The following SV2B variants were observed in gnomAD, a reference collection of about 807,000 sequenced individuals.
SV2B encodes the protein solute carrier family 22 member B2.
In SV2B, 41 loss-of-function variants were observed where a neutral mutation model predicts 73.9. The ratio of observed to expected loss-of-function variants is 0.56; its 90% CI spans 0.43 to 0.72. The LOEUF (loss-of-function observed/expected upper bound fraction) is 0.72, where lower values mean the gene tolerates loss of function less well. Ranked by LOEUF, SV2B falls within the 30% of genes least tolerant of loss-of-function variation. The probability of loss-of-function intolerance (pLI) is 0.00; values close to 1 mark genes in which losing one functional copy is unlikely to be tolerated. For synonymous variants in SV2B, 314 were observed against 314.2 expected, an observed-to-expected ratio of 1.00 and a Z score of 0.01; for missense variants, 764 against 857.8, an observed-to-expected ratio of 0.89 and a Z score of 1.37.
At chr15:91,195,441 T>G (rs1474406781) in intron 1 of SV2B, among the ~76,000 whole-genome samples, 4 of 152,232 alleles carry the variant, frequency 2.6e-5, no homozygotes, top group Non-Finnish European at 5.9e-5. Context: ...ATTACAGTTG[T>G]GAGCCACTGT....
Position 91,197,550 on chromosome 15 carries a change from A to AAAACC in SV2B, c.-391-28308_-391-28304dup, listed in dbSNP as rs200801575. Among the ~76,000 whole-genome samples, 1 of 150,956 alleles carries AAAACC rather than the reference A, an allele frequency of 6.6e-6. No homozygotes were observed. The highest frequency in any genetic ancestry group is 1.5e-5 in the Non-Finnish European group (1 of 67,966). Reference sequence around the variant, plus strand: ...TCATTGTTTTTAATAGAAGAAAAAAAAAACCAAACCAAACCAAACAAAACA... The same window carrying AAAACC: ...TCATTGTTTTTAATAGAAGAAAAAAAAAACCAAACCAAACCAAACCAAACAAAACA... On this transcript the variant is annotated intron_variant, in intron 1 of 12. Transcript: ENST00000394232. The surrounding 1 kb of genome is among the most constrained non-coding windows in gnomAD (Gnocchi z 4.9).
chr15:91,157,762 T>C (rs1358156325), intron 1 of SV2B, among the ~76,000 whole-genome samples: 1 of 152,188 alleles, frequency 6.6e-6, no homozygotes, highest in Non-Finnish European at 1.5e-5. Flanking sequence ...CCGTGCTTTT[T>C]TCTCCACTCT....
rs1487988315 is a variant in SV2B at position 91,130,351 on chromosome 15, G to T, written c.-392+29988G>T. Among the ~76,000 whole-genome samples, 1 of 152,208 alleles carries T rather than the reference G, an allele frequency of 6.6e-6. No homozygotes were observed. Among genetic ancestry groups the T allele is most frequent in the Non-Finnish European group, 1.5e-5 (1 of 68,034 alleles). ...AATTGCAACTCAGGGACAAGGTCAGGGTTGGAGTTACGTGCTTGGCTAGGG... is the reference window on the plus strand; with the variant it reads ...AATTGCAACTCAGGGACAAGGTCAGTGTTGGAGTTACGTGCTTGGCTAGGG... On this transcript the variant is annotated intron_variant, in intron 1 of 12. Transcript: ENST00000394232. The surrounding 1 kb of genome is among the most constrained non-coding windows in gnomAD (Gnocchi z 5.6).
chr15:91,235,230 A>T (rs889485726), intron 2 of SV2B, among the ~76,000 whole-genome samples: 13 of 152,200 alleles, frequency 8.5e-5, no homozygotes, highest in Admixed American at 3.3e-4. Context: ...TGAGGTTTTT[A>T]TGTAGGCCTT....
rs59849012 is a variant in SV2B at position 91,191,063 on chromosome 15, C to CTTTTTTTTTTTTTTTTTTTTTTTTTT, written c.-391-34789_-391-34788insTTTTTTTTTTTTTTTTTTTTTTTTTT. ...TACCCTGGTGGTTTTTTTGGTGTTT[C>CTTTTTTTTTTTTTTTTTTTTTTTTTT]TTTTTTTTTTTTTTTTTTTTTGACA... is the stretch of plus-strand genomic sequence containing the variant. On this transcript the variant is annotated intron_variant, in intron 1 of 12. Coordinates refer to ENST00000394232, the MANE Select transcript of SV2B (RefSeq NM_001323032.3). Among the ~76,000 whole-genome samples the CTTTTTTTTTTTTTTTTTTTTTTTTTT allele has an allele frequency of 7.3e-4, 47 of 64,244 alleles. 9 individuals are homozygous for CTTTTTTTTTTTTTTTTTTTTTTTTTT. Among genetic ancestry groups the CTTTTTTTTTTTTTTTTTTTTTTTTTT allele is most frequent in the East Asian group, 3.1e-3 (4 of 1,290 alleles). The allele number at this position is 64,244 out of a possible 152,430, so 42.1% of individuals were successfully genotyped here.
At chr15:91,161,787 A>G (rs2043727992) in intron 1 of SV2B, among the ~76,000 whole-genome samples, 1 of 152,208 alleles carries the variant, frequency 6.6e-6, no homozygotes, top group South Asian at 2.1e-4. Flanking sequence ...AAGTGTGTTA[A>G]TCTGGTATTC....
chr15:91,171,943 A>G (rs1241352198), intron 1 of SV2B, among the ~76,000 whole-genome samples: 1 of 152,174 alleles, frequency 6.6e-6, no homozygotes, highest in Admixed American at 6.5e-5. Context: ...CTGAAACAGC[A>G]ATCCATATCA....
Position 91,232,723 on chromosome 15 carries a change from A to C in SV2B, c.451+6009A>C, listed in dbSNP as rs2046626104. Among the ~76,000 whole-genome samples, 1 of 152,194 alleles carries C rather than the reference A, an allele frequency of 6.6e-6. No individual in the cohort carries two copies. The highest frequency in any genetic ancestry group is 2.1e-4 in the South Asian group (1 of 4,832). On this transcript the variant is annotated intron_variant, in intron 2 of 12. Transcript: ENST00000394232. The surrounding 1 kb of genome is among the most constrained non-coding windows in gnomAD (Gnocchi z 4.7). ...TTTGAATTTTTCACGTTTAAAATATAATTTCAACTTCTATTTTAGATTCAG... is the reference window on the plus strand; with the variant it reads ...TTTGAATTTTTCACGTTTAAAATATCATTTCAACTTCTATTTTAGATTCAG...
intron 1 of SV2B, among the ~76,000 whole-genome samples, chr15:91,164,344 A>C (rs755123904): frequency 6.6e-6 from 1 of 152,220 alleles, no homozygotes; most frequent in African/African-American, 2.4e-5. Flanking sequence ...ACCTGACTTC[A>C]AACTATACTA....
intron 1 of SV2B, among the ~76,000 whole-genome samples, chr15:91,108,683 C>T (rs975264414): frequency 2.0e-5 from 3 of 152,184 alleles, no homozygotes; most frequent in Admixed American, 6.5e-5. Flanking sequence ...CCTCTCTCCA[C>T]CACCCTCATG....
chr15:91,157,864 A>G (rs1567299708), intron 1 of SV2B, among the ~76,000 whole-genome samples: 1 of 152,144 alleles, frequency 6.6e-6, no homozygotes, highest in Admixed American at 6.5e-5. Context: ...GTATACTTCA[A>G]AATACTCTGT....
chr15:91,144,239 G>A (rs2043081617), intron 1 of SV2B, among the ~76,000 whole-genome samples: 1 of 152,174 alleles, frequency 6.6e-6, no homozygotes, highest in Non-Finnish European at 1.5e-5. Flanking sequence ...AAACCAGAAG[G>A]TTAAACACAG....
intron 1 of SV2B, among the ~76,000 whole-genome samples, chr15:91,201,659 A>G (rs545628311): frequency 1.3e-5 from 2 of 152,162 alleles, no homozygotes; most frequent in Non-Finnish European, 2.9e-5. Flanking sequence ...TGGCAAATCC[A>G]TCCTTCCAAC....
At chr15:91,191,063 C>CTTTTTTTTTTTTTTT (rs59849012) in intron 1 of SV2B, among the ~76,000 whole-genome samples, 1,645 of 64,146 alleles carry the variant, frequency 0.026, 256 homozygotes, top group East Asian at 0.048. Flanking sequence ...TTTGGTGTTT[C>CTTTTTTTTTTTTTTT]TTTTTTTTTT....
At chr15:91,208,996 T>G (rs2045745528) in intron 1 of SV2B, among the ~76,000 whole-genome samples, 3 of 152,154 alleles carry the variant, frequency 2.0e-5, no homozygotes, top group African/African-American at 2.4e-5. Context: ...TACCTGTCAG[T>G]GCCAGGTCCT....
chr15:91,127,111 A>G (rs945861668), intron 1 of SV2B, among the ~76,000 whole-genome samples: 2 of 152,230 alleles, frequency 1.3e-5, no homozygotes, highest in Non-Finnish European at 2.9e-5. Context: ...CCCTGTATAC[A>G]ATGGGATGAT....
rs59078725 is a variant in SV2B at position 91,262,064 on chromosome 15, A to G, written c.1008+1655A>G. Among the ~76,000 whole-genome samples the G allele has an allele frequency of 5.4e-3, 820 of 152,246 alleles. 4 individuals are homozygous for G. Among genetic ancestry groups the G allele is most frequent in the African/African-American group, 0.018 (767 of 41,540 alleles). ...TACCCTTGTTAACCTGTTGCTTCAA[A>G]CGTCTGCTTTTCAGGCAGGATCACA... On this transcript the variant is annotated intron_variant, in intron 6 of 12. Coordinates refer to ENST00000394232, the MANE Select transcript of SV2B (RefSeq NM_001323032.3).
chr15:91,171,766 G>A (rs1410235971), intron 1 of SV2B, among the ~76,000 whole-genome samples: 1 of 152,166 alleles, frequency 6.6e-6, no homozygotes, highest in African/African-American at 2.4e-5. Flanking sequence ...GCTGTTTTGT[G>A]CTGTTTTCTT....
chr15:91,291,195 T>A (rs1008564883), intron 12 of SV2B, among the ~76,000 whole-genome samples: 1 of 151,182 alleles, frequency 6.6e-6, no homozygotes, highest in African/African-American at 2.4e-5. Flanking sequence ...TTAGTTTTTT[T>A]TCTAACATAA....
Sources: gnomAD v4.1 joint callset for allele counts (sites outside exome capture counted in the v4.1 genomes callset) on GRCh38, gnomAD v4.1.1 for gene constraint, Gnocchi (gnomAD v3.1) non-coding constraint, MANE v1.5 for transcripts, NCBI Gene and HGNC (gene_info 2026-07-23, HGNC 2026-07-21) for gene names.